ANKS1B: variants seen among roughly 807,000 people sequenced by gnomAD.
ANKS1B encodes ankyrin repeat and sterile alpha motif domain-containing protein 1B.
Under a neutral mutation model 148.3 loss-of-function variants are expected in ANKS1B, and 36 were observed. That is an observed-to-expected ratio of 0.24 (90% CI 0.19 to 0.32). The LOEUF (loss-of-function observed/expected upper bound fraction) is 0.32. ANKS1B is among the 10% of genes least tolerant of loss of function. The probability of loss-of-function intolerance (pLI) is 1.00; values close to 1 mark genes in which losing one functional copy is unlikely to be tolerated. For missense variants in ANKS1B, 1,157 were observed against 1,542.6 expected (o/e 0.75, Z 4.19); for synonymous variants, 542 against 560.8 (o/e 0.97, Z 0.47).
At chr12:99,255,907 T>C (rs541546438) in intron 12 of ANKS1B, among the ~76,000 whole-genome samples, 9 of 152,344 alleles carry the variant, frequency 5.9e-5, no homozygotes, top group African/African-American at 2.2e-4. Context: ...GAATTACATG[T>C]ATTCTCCAAT....
At chr12:99,871,308 C>T (rs1209354238) in intron 1 of ANKS1B, among the ~76,000 whole-genome samples, 2 of 152,076 alleles carry the variant, frequency 1.3e-5, no homozygotes, top group Non-Finnish European at 1.5e-5. Context: ...TCTTGGTTAC[C>T]GTAGACTTAT....
intron 9 of ANKS1B, among the ~76,000 whole-genome samples, chr12:99,553,895 G>T (rs1379392636): frequency 6.6e-6 from 1 of 152,154 alleles, no homozygotes; most frequent in Non-Finnish European, 1.5e-5. Context: ...TCAGTGACTG[G>T]TTCAAGGTTG....
chr12:99,629,362 G>GA (rs1004035715), intron 9 of ANKS1B, among the ~76,000 whole-genome samples: 2 of 151,966 alleles, frequency 1.3e-5, no homozygotes, highest in African/African-American at 2.4e-5. Context: ...TCACATACGA[G>GA]AAAAAAACTT....
At chr12:99,440,732 G>A (rs1594841576) in intron 11 of ANKS1B, among the ~76,000 whole-genome samples, 1 of 151,770 alleles carries the variant, frequency 6.6e-6, no homozygotes, top group Non-Finnish European at 1.5e-5. Flanking sequence ...CATGCAATGT[G>A]TTATCAGCCC....
intron 19 of ANKS1B, among the ~76,000 whole-genome samples, chr12:98,816,601 A>G (rs1420136786): frequency 1.3e-5 from 2 of 152,172 alleles, no homozygotes; most frequent in South Asian, 4.1e-4. Context: ...CTTAAGCAGA[A>G]ATTTAAAATG....
At chr12:99,911,790 C>T (rs2094013171) in intron 1 of ANKS1B, among the ~76,000 whole-genome samples, 1 of 152,084 alleles carries the variant, frequency 6.6e-6, no homozygotes, top group East Asian at 1.9e-4. Context: ...AAATCCATGG[C>T]ATCATAACAT....
chr12:98,996,618 T>A (rs1273719112), intron 17 of ANKS1B, among the ~76,000 whole-genome samples: 1 of 151,796 alleles, frequency 6.6e-6, no homozygotes, highest in Non-Finnish European at 1.5e-5. Flanking sequence ...ATCCAGACCA[T>A]CCTGGTTAAC....
chr12:99,675,091 A>C (rs940629399), intron 8 of ANKS1B, among the ~76,000 whole-genome samples: 8 of 152,010 alleles, frequency 5.3e-5, no homozygotes, highest in African/African-American at 1.9e-4. Flanking sequence ...GCATGTTTTC[A>C]AACCATAATG....
At chr12:98,846,025 C>CATAT (rs61065461) in intron 17 of ANKS1B, among the ~76,000 whole-genome samples, 25,422 of 149,776 alleles carry the variant, frequency 0.17, 2,376 homozygotes, top group Admixed American at 0.27. Flanking sequence ...CACATACACA[C>CATAT]ATATATATAT....
chr12:99,823,785 C>T (rs2082813810), intron 2 of ANKS1B, among the ~76,000 whole-genome samples: 1 of 152,170 alleles, frequency 6.6e-6, no homozygotes, highest in African/African-American at 2.4e-5. Context: ...GGTTAAGGTC[C>T]AGTTCCAGTC....
intron 3 of ANKS1B, among the ~76,000 whole-genome samples, chr12:99,809,244 A>G (rs1205979409): frequency 6.6e-6 from 1 of 152,100 alleles, no homozygotes; most frequent in Non-Finnish European, 1.5e-5. Context: ...AAAACTGGCT[A>G]ACAAAAGCCA....
intron 11 of ANKS1B, among the ~76,000 whole-genome samples, chr12:99,401,265 A>G (rs1450877991): frequency 2.1e-5 from 3 of 146,002 alleles, no homozygotes; most frequent in Admixed American, 6.8e-5. Flanking sequence ...CTGAATCTCA[A>G]TTTCACATTC....
intron 1 of ANKS1B, among the ~76,000 whole-genome samples, chr12:99,904,722 CTGAT>C (rs1220204959): frequency 1.3e-5 from 2 of 152,284 alleles, no homozygotes; most frequent in South Asian, 2.1e-4. Flanking sequence ...AGTGATAACT[CTGAT>C]TGAGTTGATC....
chr12:98,960,280 A>C (rs192545354), intron 17 of ANKS1B, among the ~76,000 whole-genome samples: 1 of 152,180 alleles, frequency 6.6e-6, no homozygotes, highest in East Asian at 1.9e-4. Context: ...GCAGCTCAGC[A>C]CAGAGAGAGA....
At position 99,084,982 on chromosome 12, in the gene ANKS1B, T is replaced by C. The variant is rs1404013510; in HGVS notation, c.2568A>G (p.Gly856=). ...TTTGTCTGTGCCCAGAATTAAGGAT[T>C]CCAATTTCCAACAAATCCTGATCTT... ...VMEDQDLLEI[G]ILNSGHRQRI... is the part of the protein sequence containing the mutation. Residue 856 remains glycine, a synonymous_variant, in exon 16 of 27, where the codon GGA becomes GGG. Transcript: ENST00000683438. The C allele has an allele frequency of 2.5e-6, 4 of 1,610,628 alleles. No individual in the cohort carries two copies. The highest frequency in any genetic ancestry group is 1.7e-5 in the Admixed American group (1 of 59,628).
intron 8 of ANKS1B, among the ~76,000 whole-genome samples, chr12:99,758,180 T>A (rs950968248): frequency 6.6e-6 from 1 of 151,866 alleles, no homozygotes; most frequent in African/African-American, 2.4e-5. Flanking sequence ...GGCAGTATAA[T>A]ATAGGTGTGG....
At chr12:99,001,758 T>C (rs2099933153) in intron 17 of ANKS1B, among the ~76,000 whole-genome samples, 2 of 152,212 alleles carry the variant, frequency 1.3e-5, no homozygotes, top group African/African-American at 4.8e-5. Flanking sequence ...TCCCTAGAAC[T>C]TAATTCATCT....
At chr12:99,968,289 G>A (rs1379637500) in intron 1 of ANKS1B, among the ~76,000 whole-genome samples, 1 of 152,212 alleles carries the variant, frequency 6.6e-6, no homozygotes, top group Non-Finnish European at 1.5e-5. Flanking sequence ...TGGGTGTGGT[G>A]GCTGACGCCT....
intron 15 of ANKS1B, among the ~76,000 whole-genome samples, chr12:99,111,456 G>A (rs1381921493): frequency 6.6e-6 from 1 of 152,076 alleles, no homozygotes; most frequent in East Asian, 1.9e-4. Flanking sequence ...AAATGAAAGA[G>A]GCTTGACTCA....
Sources: allele counts gnomAD v4.1 joint callset (sites outside exome capture counted in the v4.1 genomes callset), GRCh38; gene constraint gnomAD v4.1.1; transcripts MANE v1.5; gene names NCBI Gene and HGNC (gene_info 2026-07-23, HGNC 2026-07-21).